The following SLC35E2B variants were observed in gnomAD, a reference collection of about 807,000 sequenced individuals.
SLC35E2B encodes the protein solute carrier family 35, member E2B.
In SLC35E2B, 18 loss-of-function variants were observed where a neutral mutation model predicts 32.4. The ratio of observed to expected loss-of-function variants is 0.56; its 90% CI spans 0.38 to 0.82. SLC35E2B has a LOEUF of 0.82. SLC35E2B is among the 40% of genes least tolerant of loss of function. The pLI is 0.00. For missense variants in SLC35E2B, 263 were observed against 469.5 expected (o/e 0.56, Z 4.06); for synonymous variants, 132 against 209.1 (o/e 0.63, Z 3.18).
Position 1,689,617 on chromosome 1 carries a change from C to T in SLC35E2B, c.-148+1359G>A, listed in dbSNP as rs113338133. 3.5e-3 allele frequency among the ~76,000 whole-genome samples: 524 copies of T among 151,520 alleles called. 3 individuals carry two copies. The highest frequency in any genetic ancestry group is 0.012 in the African/African-American group (506 of 41,394). ...GGACAATAATTTCTCTAACCAAACC[C>T]CAAAAGCATGACCCATTAAAAAAAG... is the stretch of plus-strand genomic sequence containing the variant. On this transcript the variant is annotated intron_variant, in intron 2 of 9. Transcript: ENST00000617444.
intron 5 of SLC35E2B, among the ~76,000 whole-genome samples, chr1:1,674,633 C>CA (rs372723226): frequency 0.33 from 41,989 of 126,428 alleles, 7,633 homozygotes; most frequent in Non-Finnish European, 0.45. Flanking sequence ...ATAAAAAAAA[C>CA]AAAAAAAAAA....
chr1:1,679,062 C>T (rs1287218849), intron 2 of SLC35E2B, among the ~76,000 whole-genome samples: 1 of 152,278 alleles, frequency 6.6e-6, no homozygotes, highest in Middle Eastern at 3.4e-3. Context: ...CTCTCCCTCC[C>T]ACCTCGAAGG....
chr1:1,667,424 T>TAAAATAAAATA (rs35902057), intron 9 of SLC35E2B, among the ~76,000 whole-genome samples: 53 of 151,158 alleles, frequency 3.5e-4, no homozygotes, highest in South Asian at 1.0e-3. Flanking sequence ...AAAAAATAAA[T>TAAAATAAAATA]AAATAAAATA....
rs763118667 is a variant in SLC35E2B at position 1,664,323 on chromosome 1, A to G, written c.*1459T>C. 4.9e-5 allele frequency: 45 copies of G among 926,774 alleles called. 2 individuals carry two copies. The highest frequency in any genetic ancestry group is 1.2e-4 in the East Asian group (1 of 8,680). 57.4% of individuals were successfully genotyped at this position (926,774 alleles called of 1,614,324 possible). On this transcript the variant is annotated 3_prime_UTR_variant, in exon 10 of 10. Coordinates refer to ENST00000617444, the MANE Select transcript of SLC35E2B (RefSeq NM_001290264.2). ...AATGATTTTATCTTCAGGAGGGGCT[A>G]TTTTTGTATTTCCCAGGTGAGAAGC...
chr1:1,688,715 CAG>C (rs1348404572), intron 2 of SLC35E2B, among the ~76,000 whole-genome samples: 1 of 151,798 alleles, frequency 6.6e-6, no homozygotes, highest in Non-Finnish European at 1.5e-5. Context: ...ATGTGTGAAT[CAG>C]AGAGAAAGCT....
intron 2 of SLC35E2B, among the ~76,000 whole-genome samples, chr1:1,683,620 C>T (rs1174867271): frequency 1.3e-5 from 2 of 152,044 alleles, no homozygotes; most frequent in African/African-American, 2.4e-5. Flanking sequence ...CACCTTCGCT[C>T]GCTGCGTCCC....
At chr1:1,688,102 G>A (rs28487995) in intron 2 of SLC35E2B, among the ~76,000 whole-genome samples, 43,401 of 151,648 alleles carry the variant, frequency 0.29, 7,407 homozygotes, top group African/African-American at 0.46. Flanking sequence ...GGCAGAGTAC[G>A]TAACACAGTA....
At chr1:1,688,164 C>T (rs909633116) in intron 2 of SLC35E2B, among the ~76,000 whole-genome samples, 1 of 152,022 alleles carries the variant, frequency 6.6e-6, no homozygotes, top group African/African-American at 2.4e-5. Context: ...TGCTGATGAA[C>T]GAATGGCAAA....
Position 1,671,614 on chromosome 1 carries a change from A to G in SLC35E2B, c.602T>C (p.Leu201Pro). Residue 201 changes from leucine (L) to proline (P), a missense_variant, in exon 6 of 10, where the codon CTC becomes CCC. Transcript: ENST00000617444. ...LGEYTGLLVN[L>P]SLIPVMGGLA... is the part of the protein sequence containing the mutation. ...CCCGCCCATGACTGGGATGAGGGAG[A>G]GGTTGACCAGCAGCCCTGGCGAGAG... The G allele has an allele frequency of 6.5e-7, 1 of 1,545,134 alleles. No homozygotes were observed.
At chr1:1,683,818 G>C (rs1643920639) in intron 2 of SLC35E2B, among the ~76,000 whole-genome samples, 1 of 152,076 alleles carries the variant, frequency 6.6e-6, no homozygotes, top group Non-Finnish European at 1.5e-5. Context: ...GAAATTCCAA[G>C]GCTTCGAGGA....
At chr1:1,668,610 A>C (rs1304630080) in intron 8 of SLC35E2B, 138 bp from the exon 9 acceptor site, 1 of 1,529,942 alleles carries the variant, frequency 6.5e-7, no homozygotes, top group Non-Finnish European at 8.9e-7. Context: ...AAATGCCTCG[A>C]GCGGACAGCT....
At position 1,686,826 on chromosome 1, in the gene SLC35E2B, G is replaced by A. The variant is rs189582601; in HGVS notation, c.-148+4150C>T. Reference sequence around the variant, plus strand: ...AATCCCAGCACTTTGGGAGTCCAAGGGGGTCGGATCATGAGGTCAGGAGAT... The same window carrying A: ...AATCCCAGCACTTTGGGAGTCCAAGAGGGTCGGATCATGAGGTCAGGAGAT... On this transcript the variant is annotated intron_variant, in intron 2 of 9. Coordinates refer to ENST00000617444, the MANE Select transcript of SLC35E2B (RefSeq NM_001290264.2). Among the ~76,000 whole-genome samples, 12 of 151,934 alleles carry A rather than the reference G, an allele frequency of 7.9e-5. No homozygotes were observed. In the East Asian group the frequency reaches 1.9e-3, roughly 25 times the overall value.
Position 1,682,260 on chromosome 1 carries a change from G to A in SLC35E2B, c.-147-5414C>T, listed in dbSNP as rs191705631. On this transcript the variant is annotated intron_variant, in intron 2 of 9. Coordinates refer to ENST00000617444, the MANE Select transcript of SLC35E2B (RefSeq NM_001290264.2). ...TGACTTGGGTCACAGAGGGCCAAAC[G>A]GTCCCGGGAAAATGGGTGGGCTCTT... Among the ~76,000 whole-genome samples, 11 of 152,144 alleles carry A rather than the reference G, an allele frequency of 7.2e-5. No homozygotes were observed. The East Asian group carries it at 1.6e-3, about 21-fold the overall frequency.
chr1:1,664,997 A>G lies in SLC35E2B; in HGVS notation c.*785T>C, dbSNP rs1643504058. ...AGTTAAACACGAGAGGTTTGTCCTC[A>G]ACCTCAGGGCTGGAAACCCCCACAG... On this transcript the variant is annotated 3_prime_UTR_variant, in exon 10 of 10. Coordinates refer to ENST00000617444, the MANE Select transcript of SLC35E2B (RefSeq NM_001290264.2). The G allele has an allele frequency of 8.2e-6, 8 of 980,462 alleles. No individual in the cohort carries two copies. Among genetic ancestry groups the G allele is most frequent in the Non-Finnish European group, 9.7e-6 (8 of 825,498 alleles). 60.7% of individuals were successfully genotyped at this position (980,462 alleles called of 1,614,324 possible). A position where few individuals can be genotyped will look rare whatever the true frequency, so the allele number is the denominator to read the frequency against.
At chr1:1,688,845 G>C (rs866601991) in intron 2 of SLC35E2B, among the ~76,000 whole-genome samples, 1 of 151,966 alleles carries the variant, frequency 6.6e-6, no homozygotes, top group African/African-American at 2.4e-5. Context: ...AGACCTTGGT[G>C]CAGGGCTGGG....
rs759406164 is a variant in SLC35E2B, at chr1:1,678,495, C to T, written c.-147-1649G>A. On this transcript the variant is annotated intron_variant, in intron 2 of 9. Coordinates refer to ENST00000617444, the MANE Select transcript of SLC35E2B (RefSeq NM_001290264.2). ...GTGTGTCTGTGCACCCAGGTCTCCC[C>T]GTCTGCCCATCACACCGCCAGCTCA... Among the ~76,000 whole-genome samples the T allele has an allele frequency of 2.0e-4, 31 of 152,072 alleles. 1 individual carries two copies. Among genetic ancestry groups the T allele is most frequent in the Non-Finnish European group, 2.5e-4 (17 of 68,018 alleles).
At chr1:1,683,583 TCACGGGTTTTTA>T (rs1474182791) in intron 2 of SLC35E2B, among the ~76,000 whole-genome samples, 1 of 152,104 alleles carries the variant, frequency 6.6e-6, no homozygotes, top group Non-Finnish European at 1.5e-5. Context: ...CATCTCTCAT[TCACGGGTTTTTA>T]CAGCGTTTAA....
At chr1:1,666,835 G>T (rs922043595) in intron 9 of SLC35E2B, among the ~76,000 whole-genome samples, 1 of 151,960 alleles carries the variant, frequency 6.6e-6, no homozygotes, top group Non-Finnish European at 1.5e-5. Flanking sequence ...GCCGGGCGCC[G>T]TGGCTCACGC....
intron 2 of SLC35E2B, among the ~76,000 whole-genome samples, chr1:1,682,107 G>C (rs114261426): frequency 2.5e-4 from 35 of 141,760 alleles, no homozygotes; most frequent in African/African-American, 8.0e-4. Flanking sequence ...TGATTCGCCC[G>C]CCTTGGCCTC....
Sources: gnomAD v4.1 joint callset for allele counts (sites outside exome capture counted in the v4.1 genomes callset) on GRCh38, gnomAD v4.1.1 for gene constraint, MANE v1.5 for transcripts, NCBI Gene and HGNC (gene_info 2026-07-23, HGNC 2026-07-21) for gene names.